The following USP39 variants were observed in gnomAD, a reference collection of about 807,000 sequenced individuals.
USP39 encodes ubiquitin carboxyl-terminal hydrolase 39.
In USP39, 38 loss-of-function variants were observed where a neutral mutation model predicts 66.4. The ratio of observed to expected loss-of-function variants is 0.57; its 90% CI spans 0.44 to 0.75. The LOEUF is 0.75. Among genes scored for constraint, USP39 ranks in the 30% least tolerant of loss-of-function variants. The pLI is 0.00. For missense variants in USP39, 608 were observed against 714.4 expected (o/e 0.85, Z 1.70); for synonymous variants, 303 against 274.6 (o/e 1.10, Z -1.02).
At chr2:85,618,386 AC>A (rs2104220499) in intron 1 of USP39, among the ~76,000 whole-genome samples, 1 of 151,196 alleles carries the variant, frequency 6.6e-6, no homozygotes, top group East Asian at 2.0e-4. Flanking sequence ...ACATGGTGAA[AC>A]CCCGTCTCTT....
At chr2:85,623,544 A>G in intron 3 of USP39, 102 bp from the exon 4 acceptor site, 1 of 1,432,806 alleles carries the variant, frequency 7.0e-7, no homozygotes, top group Non-Finnish European at 9.2e-7. Context: ...TTTTTTGCGG[A>G]TATTAACATG....
intron 8 of USP39, among the ~76,000 whole-genome samples, chr2:85,637,853 C>T (rs1405117888): frequency 5.3e-5 from 8 of 151,664 alleles, no homozygotes; most frequent in South Asian, 2.1e-4. Context: ...CTTGCCACCA[C>T]GCCCAGCTAA....
At position 85,625,479 on chromosome 2, in the gene USP39, T is replaced by TA. The variant is rs1472717208; in HGVS notation, c.571-59dup. On this transcript the variant is annotated intron_variant, in intron 4 of 12. Transcript: ENST00000323701. The stretch of plus-strand genomic sequence containing the variant: ...TTTTTGTTTTTGTAGAAATTACTGT[T>TA]ACAGACATTTCTTGTGAACTCAGCT... 1.7e-5 allele frequency: 28 copies of TA among 1,601,128 alleles called. No homozygotes were observed. In the South Asian group the frequency reaches 2.3e-4, roughly 13 times the overall value.
chr2:85,607,678 G>C (rs1673266949), upstream of USP39: 1 of 152,204 alleles, frequency 6.6e-6, no homozygotes, highest in Non-Finnish European at 1.5e-5. Flanking sequence ...TTAACACCCG[G>C]ATGTGGAGAA....
At chr2:85,648,623 G>A in intron 12 of USP39, 138 bp from the exon 13 acceptor site, 2 of 968,284 alleles carry the variant, frequency 2.1e-6, no homozygotes, top group Non-Finnish European at 3.3e-6. Context: ...AGCCACTGTA[G>A]CAGATTTCCA....
At chr2:85,616,514 C>A (rs1224994546) in intron 1 of USP39, 51 bp downstream of exon 1, 1 of 1,064,818 alleles carries the variant, frequency 9.4e-7, no homozygotes, top group East Asian at 9.5e-5. Context: ...TTTTCGCGTC[C>A]TTTTTTCTTG....
upstream of USP39, among the ~76,000 whole-genome samples, chr2:85,613,805 G>A (rs189366590): frequency 0.014 from 2,170 of 151,964 alleles, 192 homozygotes; most frequent in Admixed American, 0.13. Context: ...TTTGAGGCAG[G>A]ATCTCACTGT....
intron 11 of USP39, among the ~76,000 whole-genome samples, chr2:85,646,627 G>T (rs1469055650): frequency 1.3e-5 from 2 of 152,144 alleles, no homozygotes; most frequent in Non-Finnish European, 2.9e-5. Flanking sequence ...CTCAACTATT[G>T]TAATATCCAG....
upstream of USP39, chr2:85,611,761 G>A: frequency 6.2e-7 from 1 of 1,612,264 alleles, no homozygotes; most frequent in Non-Finnish European, 8.5e-7. Context: ...TTGGCCGCCT[G>A]CTTCACCTTC....
chr2:85,647,932 G>C lies in USP39; in HGVS notation c.1566G>C (p.Gly522=). The C allele has an allele frequency of 6.2e-7, 1 of 1,614,076 alleles. No individual in the cohort carries two copies. The highest frequency in any genetic ancestry group is 8.5e-7 in the Non-Finnish European group (1 of 1,180,002). Residue 522 remains glycine, a splice_region_variant and synonymous_variant, in exon 12 of 13, where the codon GGG becomes GGC. Coordinates refer to ENST00000323701, the MANE Select transcript of USP39 (RefSeq NM_006590.4). ...GSYRIHVLHH[G]TGKWYELQDL... is the part of the protein sequence containing the mutation. Reference sequence around the variant, plus strand: ...CCAGCTCTTCATACTTTCTGCAGGGGACAGGCAAATGGTATGAATTACAAG... The same window carrying C: ...CCAGCTCTTCATACTTTCTGCAGGGCACAGGCAAATGGTATGAATTACAAG...
intron 5 of USP39, among the ~76,000 whole-genome samples, chr2:85,628,734 C>T (rs1193772706): frequency 6.6e-6 from 1 of 152,152 alleles, no homozygotes; most frequent in African/African-American, 2.4e-5. Context: ...TTAGGATAAA[C>T]TTTGTCCATC....
chr2:85,639,450 TTTTC>T, intron 9 of USP39, 59 bp downstream of exon 9: 4 of 1,478,394 alleles, frequency 2.7e-6, no homozygotes, highest in Non-Finnish European at 3.6e-6. Flanking sequence ...GACTTTTTCA[TTTTC>T]TTTTTTTTTT....
chr2:85,609,679 A>G (rs1026931923), upstream of USP39: 8 of 1,490,462 alleles, frequency 5.4e-6, no homozygotes, highest in Non-Finnish European at 7.3e-6. Context: ...CGGTTAGGAA[A>G]GCCCCAGTCT....
chr2:85,630,617 C>T, intron 5 of USP39, 104 bp from the exon 6 acceptor site: 1 of 1,135,214 alleles, frequency 8.8e-7, no homozygotes, highest in Non-Finnish European at 1.3e-6. Flanking sequence ...TTAAGGCCAT[C>T]ACAGGCACAT....
At chr2:85,624,703 C>T (rs1573407225) in intron 4 of USP39, among the ~76,000 whole-genome samples, 1 of 152,090 alleles carries the variant, frequency 6.6e-6, no homozygotes, top group Admixed American at 6.6e-5. Context: ...GAGGCCCACA[C>T]CTGTAATCCC....
At chr2:85,643,262 G>A (rs1262633798) in intron 10 of USP39, among the ~76,000 whole-genome samples, 2 of 151,992 alleles carry the variant, frequency 1.3e-5, no homozygotes, top group African/African-American at 2.4e-5. Context: ...AGGCCAAGGC[G>A]GGCGGATCAC....
intron 2 of USP39, among the ~76,000 whole-genome samples, chr2:85,620,515 A>G (rs1342409291): frequency 6.6e-6 from 1 of 151,888 alleles, no homozygotes; most frequent in Non-Finnish European, 1.5e-5. Context: ...AGGGCTGTTC[A>G]TTATGGTAGG....
At position 85,630,783 on chromosome 2, in the gene USP39, C is replaced by A. The variant is rs1342884527; in HGVS notation, c.786C>A (p.Ile262=). Residue 262 remains isoleucine (I), a synonymous_variant, in exon 6 of 13, where the codon ATC becomes ATA. Coordinates refer to ENST00000323701, the MANE Select transcript of USP39 (RefSeq NM_006590.4). The part of the protein sequence containing the change: ...YFLEEDNYKN[I]KRPPGDIMFL... ...TGGAAGAAGACAATTATAAGAACAT[C>A]AAACGTCCTCCAGGGGATATCATGT... is the stretch of plus-strand genomic sequence containing the variant. The A allele has an allele frequency of 1.2e-6, 2 of 1,614,206 alleles. No homozygotes were observed. Among genetic ancestry groups the A allele is most frequent in the Non-Finnish European group, 1.7e-6 (2 of 1,180,032 alleles).
chr2:85,639,637 G>T, intron 9 of USP39: 1 of 339,464 alleles, frequency 2.9e-6, no homozygotes, highest in South Asian at 4.3e-5. Flanking sequence ...TATATTTTTA[G>T]TAGAGACAGC....
Sources: allele counts gnomAD v4.1 joint callset (sites outside exome capture counted in the v4.1 genomes callset), GRCh38; gene constraint gnomAD v4.1.1; transcripts MANE v1.5; gene names NCBI Gene and HGNC (gene_info 2026-07-23, HGNC 2026-07-21).